Variants in THSD7B observed in about 807,000 individuals in gnomAD.
The protein encoded by THSD7B is thrombospondin type-1 domain-containing protein 7B.
A neutral mutation model predicts 213.6 loss-of-function variants in THSD7B; 138 were observed. The observed-to-expected ratio is 0.65, with a 90% CI of 0.56 to 0.74. The LOEUF is 0.74. Ranked by LOEUF, THSD7B falls within the 30% of genes least tolerant of loss-of-function variation. THSD7B has a pLI of 0.00. For synonymous variants in THSD7B, 742 were observed against 687.0 expected (o/e 1.08, Z -1.25); for missense variants, 1,931 against 1,991.5 (o/e 0.97, Z 0.58).
At chr2:137,369,518 A>G (rs1429520027) in intron 12 of THSD7B, among the ~76,000 whole-genome samples, 5 of 152,210 alleles carry the variant, frequency 3.3e-5, no homozygotes, top group Non-Finnish European at 7.3e-5. Flanking sequence ...GAACATGGAA[A>G]TTAAATCCAA....
chr2:137,229,870 C>A (rs918034829), intron 7 of THSD7B, among the ~76,000 whole-genome samples: 1 of 152,104 alleles, frequency 6.6e-6, no homozygotes, highest in African/African-American at 2.4e-5. Context: ...AAACACAGTG[C>A]CTGGCGCAAG....
rs368330275 is a variant in THSD7B, at chr2:137,191,100, A to C, written c.1723+20162A>C. On this transcript the variant is annotated intron_variant, in intron 7 of 27. Coordinates refer to ENST00000409968, the MANE Select transcript of THSD7B (RefSeq NM_001316349.2). ...GTTTCTCTCATGAAGGGCCTCTGGC[A>C]GAGTCTGCTGTCTGCAGAGGTGCTG... Among the ~76,000 whole-genome samples, 10 of 152,290 alleles carry C rather than the reference A, an allele frequency of 6.6e-5. No homozygotes were observed. The East Asian group carries it at 1.7e-3, about 27-fold the overall frequency.
At chr2:136,934,796 T>C (rs1684694328) in intron 2 of THSD7B, among the ~76,000 whole-genome samples, 1 of 152,196 alleles carries the variant, frequency 6.6e-6, no homozygotes, top group Non-Finnish European at 1.5e-5. Context: ...AATTTTAGCA[T>C]ACAATTTACC....
chr2:137,479,755 C>T (rs571107738), intron 15 of THSD7B, among the ~76,000 whole-genome samples: 2 of 152,234 alleles, frequency 1.3e-5, no homozygotes, highest in Admixed American at 1.3e-4. Context: ...TATAAAGATG[C>T]AGGGGCTATT....
At chr2:137,403,855 G>A (rs1046208977) in intron 12 of THSD7B, among the ~76,000 whole-genome samples, 6 of 152,250 alleles carry the variant, frequency 3.9e-5, no homozygotes, top group African/African-American at 1.4e-4. Flanking sequence ...GATGCTACTG[G>A]CATCTAATGG....
chr2:136,851,547 A>AT (rs780575100), intron 1 of THSD7B, among the ~76,000 whole-genome samples: 3 of 152,236 alleles, frequency 2.0e-5, no homozygotes, highest in Non-Finnish European at 4.4e-5. Context: ...GCTTAAAACT[A>AT]TTTTTTATTA....
intron 2 of THSD7B, among the ~76,000 whole-genome samples, chr2:136,985,532 G>C (rs1685656398): frequency 6.6e-6 from 1 of 152,220 alleles, no homozygotes; most frequent in Non-Finnish European, 1.5e-5. Context: ...GGAGAGAAGT[G>C]GGGCTTGGCA....
chr2:137,419,868 C>A (rs1476892367), intron 14 of THSD7B, among the ~76,000 whole-genome samples: 1 of 152,026 alleles, frequency 6.6e-6, no homozygotes, highest in African/African-American at 2.4e-5. Flanking sequence ...CACTGATGAA[C>A]ACTTAGACTG....
chr2:136,791,767 A>G (rs1397761521), intron 1 of THSD7B, among the ~76,000 whole-genome samples: 1 of 152,070 alleles, frequency 6.6e-6, no homozygotes, highest in Non-Finnish European at 1.5e-5. Flanking sequence ...TTGTATGGAT[A>G]CACCACGTTT....
chr2:137,616,076 C>A, intron 17 of THSD7B, 99 bp from the exon 18 acceptor site: 2 of 1,195,536 alleles, frequency 1.7e-6, no homozygotes, highest in East Asian at 2.5e-5. Flanking sequence ...TAATCTATTC[C>A]CTATATTGTT....
intron 27 of THSD7B, among the ~76,000 whole-genome samples, chr2:137,669,964 C>A (rs1450422147): frequency 1.3e-5 from 2 of 152,048 alleles, no homozygotes; most frequent in East Asian, 3.8e-4. Context: ...ATTCTGTTAA[C>A]AAACCACTTT....
rs530903498 is a variant in THSD7B at position 137,308,605 on chromosome 2, A to C, written c.2500+32579A>C. Among the ~76,000 whole-genome samples the C allele has an allele frequency of 8.3e-4, 127 of 152,196 alleles. 1 individual carries two copies. The highest frequency in any genetic ancestry group is 2.9e-3 in the African/African-American group (120 of 41,570). ...AATTTTTTGTTTTATGTGTTTATAT[A>C]ATTTTTTTCTGTTTTCAAAATACAA... On this transcript the variant is annotated intron_variant, in intron 12 of 27. Coordinates refer to ENST00000409968, the MANE Select transcript of THSD7B (RefSeq NM_001316349.2).
chr2:136,978,425 A>G (rs1056709210), intron 2 of THSD7B, among the ~76,000 whole-genome samples: 4 of 152,166 alleles, frequency 2.6e-5, no homozygotes, highest in Non-Finnish European at 4.4e-5. Flanking sequence ...TGAGAGTCTC[A>G]GTCTCTTCGT....
At chr2:137,212,030 A>C (rs941032304) in intron 7 of THSD7B, among the ~76,000 whole-genome samples, 2 of 152,072 alleles carry the variant, frequency 1.3e-5, no homozygotes, top group African/African-American at 4.8e-5. Context: ...AATCACAACA[A>C]TCACGTACAT....
intron 17 of THSD7B, among the ~76,000 whole-genome samples, chr2:137,592,177 CTTAAA>C (rs1681878461): frequency 6.6e-6 from 1 of 151,600 alleles, no homozygotes; most frequent in Non-Finnish European, 1.5e-5. Flanking sequence ...TATTAAAAAA[CTTAAA>C]TACATATTTC....
intron 1 of THSD7B, among the ~76,000 whole-genome samples, chr2:136,838,322 G>T (rs1682873543): frequency 6.6e-6 from 1 of 152,132 alleles, no homozygotes; most frequent in African/African-American, 2.4e-5. Flanking sequence ...ATTCTTAAAT[G>T]AGATGAGTCA....
chr2:137,629,520 C>T (rs548110601), intron 20 of THSD7B, among the ~76,000 whole-genome samples: 2 of 152,264 alleles, frequency 1.3e-5, no homozygotes, highest in East Asian at 3.9e-4. Flanking sequence ...AACAAAAACC[C>T]ATGCAAATTT....
At chr2:137,467,017 C>T (rs1420899764) in intron 15 of THSD7B, among the ~76,000 whole-genome samples, 2 of 152,064 alleles carry the variant, frequency 1.3e-5, no homozygotes, top group Non-Finnish European at 2.9e-5. Flanking sequence ...CAATAAAATT[C>T]TCCCAATGCC....
chr2:137,663,481 A>G lies in THSD7B; in HGVS notation c.4557A>G (p.Lys1519=). The G allele has an allele frequency of 6.2e-7, 1 of 1,603,086 alleles. No individual in the cohort carries two copies. Among genetic ancestry groups the G allele is most frequent in the Non-Finnish European group, 8.5e-7 (1 of 1,174,102 alleles). The part of the protein sequence containing the change: ...CMKVPGSEDK[K]ADVKNLSGKN... ...AAGTACCAGGCTCAGAGGATAAAAA[A>G]GCTGATGTGAAAAACCTTTCTGGGA... The change falls in exon 26 of 28, where the codon AAA becomes AAG. Residue 1519 remains lysine, a synonymous_variant. Coordinates refer to ENST00000409968, the MANE Select transcript of THSD7B (RefSeq NM_001316349.2).
Sources: gnomAD v4.1 joint callset for allele counts (sites outside exome capture counted in the v4.1 genomes callset) on GRCh38, gnomAD v4.1.1 for gene constraint, MANE v1.5 for transcripts, NCBI Gene and HGNC (gene_info 2026-07-23, HGNC 2026-07-21) for gene names.